NID1: variants seen among roughly 807,000 people sequenced by gnomAD.
The protein encoded by NID1 is nidogen-1.
NID1 carries 76 observed loss-of-function variants against 130.6 expected under a neutral mutation model. The ratio of observed to expected loss-of-function variants is 0.58; its 90% confidence interval spans 0.48 to 0.70. The LOEUF is 0.70. NID1 is among the 30% of genes least tolerant of loss of function. The pLI is 0.00. For synonymous variants in NID1, 665 were observed against 675.1 expected (o/e 0.98, Z 0.23); for missense variants, 1,517 against 1,664.8 (o/e 0.91, Z 1.54).
chr1:236,023,672 C>G (rs1248309430), intron 9 of NID1, among the ~76,000 whole-genome samples: 1 of 151,900 alleles, frequency 6.6e-6, no homozygotes, highest in African/African-American at 2.4e-5. Context: ...AAAAATCCAT[C>G]TTGTTAGAGT....
intron 4 of NID1, among the ~76,000 whole-genome samples, chr1:236,039,768 T>G (rs910088463): frequency 6.6e-6 from 1 of 152,170 alleles, no homozygotes. Context: ...CGGAAGGGAA[T>G]TTCTGGCTTT....
intron 9 of NID1, among the ~76,000 whole-genome samples, chr1:236,017,679 T>C (rs1359784476): frequency 1.3e-5 from 2 of 152,218 alleles, no homozygotes; most frequent in Non-Finnish European, 2.9e-5. Context: ...CCACCGCCCC[T>C]AGCCTAAAAT....
chr1:235,999,189 C>T (rs1191977104), intron 12 of NID1, among the ~76,000 whole-genome samples: 11 of 152,250 alleles, frequency 7.2e-5, no homozygotes, highest in African/African-American at 2.4e-4. Context: ...GAAAACAAAA[C>T]TGGTGTCCTG....
rs1296056787 is a variant in NID1, at chr1:235,977,405, C to T, written c.*462G>A. On this transcript the variant is annotated 3_prime_UTR_variant, in exon 20 of 20. Coordinates refer to ENST00000264187, the MANE Select transcript of NID1 (RefSeq NM_002508.3). Reference sequence around the variant, plus strand: ...CAAAACATTAAGGAATGCTAATTTCCTCCTTAACTCCCAACTTTTCCTAGT... The same window carrying T: ...CAAAACATTAAGGAATGCTAATTTCTTCCTTAACTCCCAACTTTTCCTAGT... The T allele has an allele frequency of 1.9e-5, 3 of 156,608 alleles. No individual in the cohort carries two copies. The highest frequency in any genetic ancestry group is 2.8e-5 in the Non-Finnish European group (2 of 70,504). The allele number at this position is 156,608 out of a possible 1,614,324, so 9.7% of individuals were successfully genotyped here.
At chr1:236,026,443 T>A (rs1658933704) in intron 7 of NID1, among the ~76,000 whole-genome samples, 1 of 152,158 alleles carries the variant, frequency 6.6e-6, no homozygotes, top group Admixed American at 6.5e-5. Flanking sequence ...GAGATGAAGG[T>A]CAGGTTGAGA....
At position 236,029,541 on chromosome 1, in the gene NID1, G is replaced by A; in HGVS notation, c.1738+9C>T. 2 of 1,552,886 alleles carry A rather than the reference G, an allele frequency of 1.3e-6. No homozygotes were observed. The highest frequency in any genetic ancestry group is 8.7e-7 in the Non-Finnish European group (1 of 1,148,270). Reference sequence around the variant, plus strand: ...CTGGGGCTGGCCCTGGGACACAGCTGGGGCTCACCTGAGGTGGAGTAGTGG... The same window carrying A: ...CTGGGGCTGGCCCTGGGACACAGCTAGGGCTCACCTGAGGTGGAGTAGTGG... On this transcript the variant is annotated intron_variant, in intron 7 of 19. Transcript: ENST00000264187.
rs781113122 is a variant in NID1, at chr1:236,041,893, A to C, written c.1135+17T>G. The C allele has an allele frequency of 2.5e-6, 4 of 1,587,624 alleles. No individual in the cohort carries two copies. The highest frequency in any genetic ancestry group is 3.4e-6 in the Non-Finnish European group (4 of 1,164,654). On this transcript the variant is annotated intron_variant, in intron 4 of 19. Coordinates refer to ENST00000264187, the MANE Select transcript of NID1 (RefSeq NM_002508.3). Reference sequence around the variant, plus strand: ...CACATCCAAGATCGTTACCAACTGCAACTTAAATGGTCTTACCAACTCCTG... The same window carrying C: ...CACATCCAAGATCGTTACCAACTGCCACTTAAATGGTCTTACCAACTCCTG...
intron 13 of NID1, among the ~76,000 whole-genome samples, chr1:235,992,570 G>A (rs1657788229): frequency 6.6e-6 from 1 of 152,126 alleles, no homozygotes. Flanking sequence ...ACGCAAGCCA[G>A]GATTCCGCCT....
intron 12 of NID1, among the ~76,000 whole-genome samples, chr1:235,998,440 C>T (rs1050606345): frequency 4.6e-5 from 7 of 152,012 alleles, no homozygotes; most frequent in African/African-American, 1.2e-4. Context: ...TTTGGGAGGC[C>T]GAGGTGGGTG....
At chr1:236,036,207 C>A (rs983631383) in intron 5 of NID1, among the ~76,000 whole-genome samples, 1 of 152,124 alleles carries the variant, frequency 6.6e-6, no homozygotes, top group Non-Finnish European at 1.5e-5. Context: ...AACAAAGAAG[C>A]AAAGACACAC....
At chr1:236,013,187 A>G (rs1375847288) in intron 11 of NID1, among the ~76,000 whole-genome samples, 1 of 152,228 alleles carries the variant, frequency 6.6e-6, no homozygotes, top group Non-Finnish European at 1.5e-5. Flanking sequence ...ACCTGAATGA[A>G]CTAGTCACCT....
chr1:236,032,774 T>C (rs910102240), intron 5 of NID1, 122 bp from the exon 6 acceptor site: 10 of 1,322,706 alleles, frequency 7.6e-6, no homozygotes, highest in South Asian at 3.1e-5. Flanking sequence ...AGCACTGGGG[T>C]CAATGGCTTT....
chr1:236,023,498 G>A (rs993776953), intron 9 of NID1, among the ~76,000 whole-genome samples: 2 of 152,200 alleles, frequency 1.3e-5, no homozygotes, highest in Non-Finnish European at 2.9e-5. Flanking sequence ...TACAGAGTAC[G>A]TTTTGCAAGA....
rs945134931 is a variant in NID1, at chr1:235,977,027, G to T, written c.*840C>A. On this transcript the variant is annotated 3_prime_UTR_variant, in exon 20 of 20. Coordinates refer to ENST00000264187, the MANE Select transcript of NID1 (RefSeq NM_002508.3). ...CTAGAACCTTGGATGCAAGTATTTT[G>T]GGCAAAGAGGAATAATTAGTAATCT... 6.6e-6 allele frequency: 1 copy of T among 152,100 alleles called. No individual in the cohort carries two copies. Among genetic ancestry groups the T allele is most frequent in the Non-Finnish European group, 1.5e-5 (1 of 68,026 alleles). The allele number at this position is 152,100 out of a possible 1,614,324, so 9.4% of individuals were successfully genotyped here. A position where few individuals can be genotyped will look rare whatever the true frequency, so the allele number is the denominator to read the frequency against.
At chr1:236,021,674 C>T (rs1471193644) in intron 9 of NID1, among the ~76,000 whole-genome samples, 2 of 152,124 alleles carry the variant, frequency 1.3e-5, no homozygotes, top group African/African-American at 4.8e-5. Context: ...CCTGGCCAAC[C>T]ATATGTGAAC....
chr1:236,055,221 G>A (rs994049251), intron 1 of NID1, among the ~76,000 whole-genome samples: 4 of 151,444 alleles, frequency 2.6e-5, no homozygotes, highest in African/African-American at 7.3e-5. Context: ...GGAGAATGGC[G>A]GGAACCCGGG....
chr1:236,012,085 C>T, intron 11 of NID1, 42 bp from the exon 12 acceptor site: 1 of 1,593,364 alleles, frequency 6.3e-7, no homozygotes, highest in Admixed American at 1.7e-5. Flanking sequence ...GAGATTTCTT[C>T]TGGAATTCGT....
intron 12 of NID1, among the ~76,000 whole-genome samples, chr1:236,010,181 T>A (rs142158275): frequency 3.7e-4 from 56 of 152,286 alleles, no homozygotes; most frequent in African/African-American, 1.3e-3. Context: ...TATTAAAATC[T>A]ATGAGTAGTG....
At chr1:236,015,534 C>G (rs1658564341) in intron 10 of NID1, among the ~76,000 whole-genome samples, 1 of 151,216 alleles carries the variant, frequency 6.6e-6, no homozygotes, top group African/African-American at 2.4e-5. Context: ...GTAATTCCAG[C>G]TACTTGGGAG....
Sources: allele counts gnomAD v4.1 joint callset (sites outside exome capture counted in the v4.1 genomes callset), GRCh38; gene constraint gnomAD v4.1.1; transcripts MANE v1.5; gene names NCBI Gene and HGNC (gene_info 2026-07-23, HGNC 2026-07-21).